The following MFN1 variants were observed in gnomAD, a reference collection of about 807,000 sequenced individuals.
The protein encoded by MFN1 is mitofusin-1.
MFN1 carries 65 observed loss-of-function variants against 92.4 expected under a neutral mutation model. The ratio of observed to expected loss-of-function variants is 0.70; its 90% CI spans 0.58 to 0.86. The LOEUF is 0.86. Among genes scored for constraint, MFN1 ranks in the 40% least tolerant of loss-of-function variants. The pLI is 0.00. For synonymous variants in MFN1, 297 were observed against 300.9 expected, an observed-to-expected ratio of 0.99 and a Z score of 0.13; for missense variants, 781 against 868.0, an observed-to-expected ratio of 0.90 and a Z score of 1.26.
At chr3:179,390,522 T>G (rs982742082) in intron 17 of MFN1, among the ~76,000 whole-genome samples, 1 of 152,240 alleles carries the variant, frequency 6.6e-6, no homozygotes, top group African/African-American at 2.4e-5. Flanking sequence ...CATGGGGGAC[T>G]ATTGATTATG....
intron 4 of MFN1, among the ~76,000 whole-genome samples, chr3:179,359,544 C>T (rs1265740192): frequency 1.3e-5 from 2 of 150,198 alleles, no homozygotes; most frequent in African/African-American, 2.5e-5. Context: ...CCTCAGCCTC[C>T]TGAGTAGCTG....
chr3:179,376,541 A>G (rs1249208758), intron 10 of MFN1, among the ~76,000 whole-genome samples: 1 of 152,236 alleles, frequency 6.6e-6, no homozygotes, highest in Non-Finnish European at 1.5e-5. Context: ...TTGTTTAAAA[A>G]AAGAGCCAGA....
rs143807453 is a variant in MFN1 at position 179,390,454 on chromosome 3, T to A, written c.2147+316T>A. 1.9e-3 allele frequency among the ~76,000 whole-genome samples: 295 copies of A among 152,300 alleles called. 1 individual carries two copies. Among genetic ancestry groups the A allele is most frequent in the African/African-American group, 6.8e-3 (283 of 41,566 alleles). ...ATTATTCCCTTTTCAGAACAGAAGT[T>A]GTATAATTAAAAGTGAATTTTTAGT... On this transcript the variant is annotated intron_variant, in intron 17 of 17. Transcript: ENST00000471841.
In MFN1 at chr3:179,386,603, T is replaced by C; in HGVS notation, c.1986T>C (p.Ser662=). ...TGAGGATGATTGTTAGCTCCACGAG[T>C]GCAAACTGCAGTCACCAAGTAAAAC... The part of the protein sequence containing the change: ...EKLRMIVSST[S]ANCSHQVKQQ... The change falls in exon 16 of 18, where the codon AGT becomes AGC. Residue 662 remains serine (S), a synonymous_variant. Transcript: ENST00000471841. 1 of 1,612,260 alleles carries C rather than the reference T, an allele frequency of 6.2e-7. No homozygotes were observed. The highest frequency in any genetic ancestry group is 8.5e-7 in the Non-Finnish European group (1 of 1,179,448).
At chr3:179,354,513 T>G (rs1309056367) in intron 3 of MFN1, among the ~76,000 whole-genome samples, 4 of 152,112 alleles carry the variant, frequency 2.6e-5, no homozygotes, top group African/African-American at 9.7e-5. Flanking sequence ...GCAGTTGTGA[T>G]AATGTTACCA....
intron 12 of MFN1, among the ~76,000 whole-genome samples, chr3:179,377,699 C>T (rs1469918290): frequency 2.6e-5 from 4 of 151,968 alleles, no homozygotes; most frequent in Non-Finnish European, 4.4e-5. Context: ...TTTGGGAGGC[C>T]GAGGTGGGAG....
intron 14 of MFN1, among the ~76,000 whole-genome samples, chr3:179,379,996 G>C (rs930652519): frequency 6.6e-6 from 1 of 152,168 alleles, no homozygotes. Flanking sequence ...CAGCATTGCA[G>C]TGAACACGTG....
At chr3:179,361,391 C>G (rs1485658640) in intron 4 of MFN1, among the ~76,000 whole-genome samples, 4 of 152,192 alleles carry the variant, frequency 2.6e-5, no homozygotes, top group Non-Finnish European at 5.9e-5. Context: ...TAGGTCTGGG[C>G]TTCAACTGAG....
rs1229523974 is a variant in MFN1, at chr3:179,390,158, C to T, written c.2147+20C>T. On this transcript the variant is annotated intron_variant, in intron 17 of 17. Coordinates refer to ENST00000471841, the MANE Select transcript of MFN1 (RefSeq NM_033540.3). ...CTTAAGGTATTTAAACCTTTCTTCT[C>T]AATAATTTGAACATTTACTGGTCTC... 5 of 1,510,266 alleles carry T rather than the reference C, an allele frequency of 3.3e-6. No homozygotes were observed. The highest frequency in any genetic ancestry group is 2.9e-5 in the African/African-American group (2 of 69,668). 93.6% of individuals were successfully genotyped at this position (1,510,266 alleles called of 1,614,324 possible).
rs1713269439 is a variant in MFN1 at position 179,377,114 on chromosome 3, A to G, written c.1170A>G (p.Leu390=). 3 of 1,613,866 alleles carry G rather than the reference A, an allele frequency of 1.9e-6. No homozygotes were observed. Among genetic ancestry groups the G allele is most frequent in the Non-Finnish European group, 2.5e-6 (3 of 1,179,896 alleles). The change falls in exon 11 of 18, where the codon TTA becomes TTG. Residue 390 remains leucine, a synonymous_variant. Coordinates refer to ENST00000471841, the MANE Select transcript of MFN1 (RefSeq NM_033540.3). The stretch of plus-strand genomic sequence containing the variant: ...TTATTCGAAACCAGATGAACCTTTT[A>G]ACACTGGATGTTAAGAAAAAAATCA... ...LDFIRNQMNL[L]TLDVKKKIKE...
At position 179,377,187 on chromosome 3, in the gene MFN1, A is replaced by G; in HGVS notation, c.1224+19A>G. 6.2e-7 allele frequency: 1 copy of G among 1,605,046 alleles called. No homozygotes were observed. The highest frequency in any genetic ancestry group is 8.5e-7 in the Non-Finnish European group (1 of 1,176,892). On this transcript the variant is annotated intron_variant, in intron 11 of 17. Transcript: ENST00000471841. ...AAACAAAGTGGGTAACAGTAGCTTCATGATTAAAATAACCTGGATGGAAAT... is the reference window on the plus strand; with the variant it reads ...AAACAAAGTGGGTAACAGTAGCTTCGTGATTAAAATAACCTGGATGGAAAT...
intron 17 of MFN1, among the ~76,000 whole-genome samples, chr3:179,391,737 C>T (rs1439826842): frequency 6.6e-6 from 1 of 152,150 alleles, no homozygotes; most frequent in Non-Finnish European, 1.5e-5. Flanking sequence ...GCCGCTGTAA[C>T]ATCTGCTACT....
intron 9 of MFN1, among the ~76,000 whole-genome samples, chr3:179,374,290 A>G (rs959096576): frequency 4.1e-5 from 6 of 147,700 alleles, no homozygotes; most frequent in Non-Finnish European, 7.4e-5. Flanking sequence ...GTGACAGTGC[A>G]AGACTGTCAA....
chr3:179,353,475 T>A (rs910119129), intron 3 of MFN1, among the ~76,000 whole-genome samples: 3 of 152,198 alleles, frequency 2.0e-5, no homozygotes, highest in Non-Finnish European at 4.4e-5. Context: ...CCCAAAGTGC[T>A]GGGATTACAG....
intron 7 of MFN1, among the ~76,000 whole-genome samples, chr3:179,365,554 C>G (rs1233989480): frequency 6.6e-6 from 1 of 152,104 alleles, no homozygotes; most frequent in African/African-American, 2.4e-5. Context: ...CAGGCCTGAG[C>G]CACCATGCCT....
chr3:179,351,174 A>G (rs1200059943), intron 2 of MFN1, among the ~76,000 whole-genome samples: 1 of 152,136 alleles, frequency 6.6e-6, no homozygotes, highest in Non-Finnish European at 1.5e-5. Flanking sequence ...CCTATTCCTG[A>G]GTTATAAAAA....
intron 14 of MFN1, 46 bp downstream of exon 14, chr3:179,378,860 T>G (rs1276745269): frequency 1.4e-6 from 2 of 1,420,292 alleles, no homozygotes; most frequent in East Asian, 4.6e-5. Context: ...TTTATTATTT[T>G]GTTTATGTGG....
In MFN1 at chr3:179,373,820, C is replaced by T. The variant is rs139973139; in HGVS notation, c.976-1400C>T. Among the ~76,000 whole-genome samples the T allele has an allele frequency of 3.5e-3, 534 of 151,976 alleles. 1 individual carries two copies. Among genetic ancestry groups the T allele is most frequent in the Middle Eastern group, 6.8e-3 (2 of 292 alleles). On this transcript the variant is annotated intron_variant, in intron 9 of 17. Coordinates refer to ENST00000471841, the MANE Select transcript of MFN1 (RefSeq NM_033540.3). ...TCCCGAGTAGCTGGGACTACAAGCG[C>T]GTGCCACCATACCCAGCTAATTTTT...
chr3:179,354,849 C>T (rs528144164), intron 3 of MFN1, among the ~76,000 whole-genome samples: 68 of 152,290 alleles, frequency 4.5e-4, no homozygotes, highest in Non-Finnish European at 8.5e-4. Context: ...GGCTGGAGCG[C>T]AGTGGCGTGA....
Sources: allele counts gnomAD v4.1 joint callset (sites outside exome capture counted in the v4.1 genomes callset), GRCh38; gene constraint gnomAD v4.1.1; transcripts MANE v1.5; gene names NCBI Gene and HGNC (gene_info 2026-07-23, HGNC 2026-07-21).